Variants in LOXHD1 observed in about 807,000 individuals in gnomAD.
The protein encoded by LOXHD1 is lipoxygenase homology PLAT domains 1.
LOXHD1 carries 205 observed loss-of-function variants against 248.2 expected under a neutral mutation model. The observed-to-expected ratio is 0.83, with a 90% CI of 0.74 to 0.93. The LOEUF (loss-of-function observed/expected upper bound fraction) is 0.93, where lower values mean the gene tolerates loss of function less well. Among genes scored for constraint, LOXHD1 ranks in the 40% least tolerant of loss-of-function variants. LOXHD1 has a pLI of 0.00. For missense variants in LOXHD1, 2,930 were observed against 2,971.6 expected, an observed-to-expected ratio of 0.99 and a Z score of 0.33; for synonymous variants, 1,113 against 1,162.8, an observed-to-expected ratio of 0.96 and a Z score of 0.87.
At position 46,557,353 on chromosome 18, in the gene LOXHD1, C is replaced by A. The variant is rs776261184; in HGVS notation, c.3350+3G>T. 1.3e-6 allele frequency: 2 copies of A among 1,552,248 alleles called. No individual in the cohort carries two copies. Among genetic ancestry groups the A allele is most frequent in the South Asian group, 1.2e-5 (1 of 84,062 alleles). On this transcript the variant is annotated splice_donor_region_variant and intron_variant, in intron 21 of 40. Transcript: ENST00000642948. ...CCTCCCTGCCCACTGCCCCCACACT[C>A]ACGTGATCTCGTTGTTCATGTCAGT... is the stretch of plus-strand genomic sequence containing the variant.
Position 46,583,539 on chromosome 18 carries a change from A to G in LOXHD1, c.1655-3755T>C, listed in dbSNP as rs185124988. 1.8e-4 allele frequency among the ~76,000 whole-genome samples: 27 copies of G among 152,320 alleles called. No individual in the cohort carries two copies. In the East Asian group the frequency reaches 4.2e-3, roughly 24 times the overall value. On this transcript the variant is annotated intron_variant, in intron 12 of 40. Transcript: ENST00000642948. The stretch of plus-strand genomic sequence containing the variant: ...AAATTGGCTAAAGACCTTAACAGAC[A>G]TTTCTCAAAAGAAGACATACAAATG...
intron 37 of LOXHD1, 87 bp from the exon 38 acceptor site, chr18:46,489,229 T>C (rs374659591): frequency 7.1e-7 from 1 of 1,402,436 alleles, no homozygotes; most frequent in Non-Finnish European, 9.8e-7. Context: ...CCATTGGCTG[T>C]GTGGCCCTGG....
At chr18:46,540,395 TG>T (rs1253375886) in intron 25 of LOXHD1, among the ~76,000 whole-genome samples, 1 of 152,166 alleles carries the variant, frequency 6.6e-6, no homozygotes, top group African/African-American at 2.4e-5. Context: ...TCGACCCTGC[TG>T]GGTGCTCAAC....
intron 7 of LOXHD1, 180 bp from the exon 8 acceptor site, chr18:46,601,647 T>C: frequency 2.6e-6 from 2 of 767,594 alleles, no homozygotes; most frequent in Admixed American, 4.6e-5. Context: ...TCATTTCATC[T>C]TTTCCAGAGT....
Position 46,647,604 on chromosome 18 carries a change from G to A in LOXHD1, c.245+1551C>T, listed in dbSNP as rs189127731. 2.5e-3 allele frequency among the ~76,000 whole-genome samples: 376 copies of A among 152,296 alleles called. 1 individual carries two copies. The highest frequency in any genetic ancestry group is 8.5e-3 in the African/African-American group (353 of 41,556). Reference sequence around the variant, plus strand: ...TTCTCTTTACCGTGCCCACATCATCGGACGGAAAGACTTCTGCAAGCGAGT... The same window carrying A: ...TTCTCTTTACCGTGCCCACATCATCAGACGGAAAGACTTCTGCAAGCGAGT... On this transcript the variant is annotated intron_variant, in intron 2 of 40. Coordinates refer to ENST00000642948, the MANE Select transcript of LOXHD1 (RefSeq NM_001384474.1).
chr18:46,497,462 A>C (rs1945119516), intron 37 of LOXHD1, among the ~76,000 whole-genome samples: 1 of 152,136 alleles, frequency 6.6e-6, no homozygotes. Context: ...GTGTGCAATT[A>C]GTGTCTTGAG....
chr18:46,630,239 G>A (rs775816389), intron 4 of LOXHD1, among the ~76,000 whole-genome samples: 11 of 152,220 alleles, frequency 7.2e-5, no homozygotes, highest in Non-Finnish European at 1.2e-4. Context: ...CAGCTGCAAC[G>A]CAGCTCTTGG....
chr18:46,509,283 C>G (rs979143290), intron 35 of LOXHD1, among the ~76,000 whole-genome samples: 3 of 152,106 alleles, frequency 2.0e-5, no homozygotes, highest in African/African-American at 7.2e-5. Context: ...AAGCAGCTGC[C>G]TAACTCCGTG....
intron 37 of LOXHD1, among the ~76,000 whole-genome samples, chr18:46,494,847 C>CTTTTTTTTTTTTTTTTTTTTT (rs1256277774): frequency 2.5e-4 from 28 of 113,418 alleles, no homozygotes; most frequent in Non-Finnish European, 4.6e-4. Flanking sequence ...TTTTCTCTCT[C>CTTTTTTTTTTTTTTTTTTTTT]TCTTTTTTTT....
chr18:46,555,112 G>A (rs1387777993), intron 21 of LOXHD1: 2 of 470,914 alleles, frequency 4.2e-6, no homozygotes, highest in African/African-American at 2.0e-5. Context: ...ATCAGTGGCA[G>A]AGAATTACTA....
At chr18:46,581,127 T>C (rs865777464) in intron 12 of LOXHD1, among the ~76,000 whole-genome samples, 15 of 152,176 alleles carry the variant, frequency 9.9e-5, no homozygotes, top group African/African-American at 3.6e-4. Context: ...GAATTGATTA[T>C]ATAGAAAGAA....
intron 32 of LOXHD1, 61 bp from the exon 33 acceptor site, chr18:46,521,343 T>A: frequency 1.3e-6 from 2 of 1,530,026 alleles, no homozygotes. Context: ...AAGTGCTCCC[T>A]GCCCAGCCCC....
chr18:46,531,917 T>C (rs1240903214), intron 28 of LOXHD1, among the ~76,000 whole-genome samples: 2 of 152,202 alleles, frequency 1.3e-5, no homozygotes, highest in Non-Finnish European at 2.9e-5. Flanking sequence ...AGTCACACTA[T>C]TGAGGCAACA....
intron 37 of LOXHD1, among the ~76,000 whole-genome samples, chr18:46,505,384 G>C (rs888640694): frequency 6.6e-6 from 1 of 152,020 alleles, no homozygotes; most frequent in Non-Finnish European, 1.5e-5. Flanking sequence ...ATCTCACAAT[G>C]TTGTTTAGGC....
chr18:46,490,319 AG>A (rs1295999599), intron 37 of LOXHD1, among the ~76,000 whole-genome samples: 1 of 152,244 alleles, frequency 6.6e-6, no homozygotes, highest in African/African-American at 2.4e-5. Context: ...AAGGCTCAGC[AG>A]GGAATACACA....
At chr18:46,587,435 T>C (rs1352697873) in intron 12 of LOXHD1, among the ~76,000 whole-genome samples, 1 of 152,194 alleles carries the variant, frequency 6.6e-6, no homozygotes, top group Admixed American at 6.5e-5. Context: ...TCCTTTTGCC[T>C]GGGAATTCCC....
chr18:46,560,048 T>TGGCTG, intron 19 of LOXHD1, 35 bp downstream of exon 19: 5 of 1,226,286 alleles, frequency 4.1e-6, no homozygotes, highest in African/African-American at 1.6e-5. Context: ...GTCTGGCCAC[T>TGGCTG]CCCTCCCCAC....
At chr18:46,574,475 G>A (rs1250014014) in intron 14 of LOXHD1, among the ~76,000 whole-genome samples, 1 of 150,658 alleles carries the variant, frequency 6.6e-6, no homozygotes, top group African/African-American at 2.5e-5. Context: ...CTCTCCAACA[G>A]AGTTAAAATA....
At chr18:46,492,632 C>G (rs575316831) in intron 37 of LOXHD1, among the ~76,000 whole-genome samples, 389 of 152,254 alleles carry the variant, frequency 2.6e-3, no homozygotes, top group Admixed American at 7.5e-3. Context: ...TATCAGTAGA[C>G]CAAGAAGGAA....
Sources: gnomAD v4.1 joint callset for allele counts (sites outside exome capture counted in the v4.1 genomes callset) on GRCh38, gnomAD v4.1.1 for gene constraint, MANE v1.5 for transcripts, NCBI Gene and HGNC (gene_info 2026-07-23, HGNC 2026-07-21) for gene names.